ZNF521: variants seen among roughly 807,000 people sequenced by gnomAD.
ZNF521 encodes LYST-interacting protein 3.
In ZNF521, 14 loss-of-function variants were observed where a neutral mutation model predicts 105.5. The ratio of observed to expected loss-of-function variants is 0.13; its 90% CI spans 0.09 to 0.21. The LOEUF (loss-of-function observed/expected upper bound fraction) is 0.21, where lower values mean the gene tolerates loss of function less well. Ranked by LOEUF, ZNF521 falls within the 10% of genes least tolerant of loss-of-function variation. The pLI, the probability that ZNF521 is intolerant of heterozygous loss-of-function variation, is 1.00. For synonymous variants in ZNF521, 635 were observed against 606.0 expected, an observed-to-expected ratio of 1.05 and a Z score of -0.70; for missense variants, 1,233 against 1,629.7, an observed-to-expected ratio of 0.76 and a Z score of 4.19.
chr18:25,210,263 A>C (rs1266160900), intron 4 of ZNF521, among the ~76,000 whole-genome samples: 1 of 152,270 alleles, frequency 6.6e-6, no homozygotes, highest in Admixed American at 6.5e-5. Context: ...AGGAAACTGA[A>C]GCTTAGGAAG....
chr18:25,259,410 A>C (rs1000016662), intron 3 of ZNF521, among the ~76,000 whole-genome samples: 2 of 152,160 alleles, frequency 1.3e-5, no homozygotes, highest in African/African-American at 4.8e-5. Context: ...TTATGGTATC[A>C]ATTTGCTTCA....
At chr18:25,346,890 G>T (rs1210370930) in intron 2 of ZNF521, among the ~76,000 whole-genome samples, 1 of 152,006 alleles carries the variant, frequency 6.6e-6, no homozygotes, top group Non-Finnish European at 1.5e-5. Flanking sequence ...AAATGACTAA[G>T]TGCTCCCCTC....
At position 25,227,903 on chromosome 18, in the gene ZNF521, A is replaced by T. The variant is rs2144744963; in HGVS notation, c.221-206T>A. 6.6e-6 allele frequency among the ~76,000 whole-genome samples: 1 copy of T among 152,342 alleles called. No homozygotes were observed. The highest frequency in any genetic ancestry group is 1.9e-4 in the East Asian group (1 of 5,192). ...GCATTTACTTTTTGTTGAGTTGTAAAATATAAGAGGATATTAAATAGTTCT... is the reference window on the plus strand; with the variant it reads ...GCATTTACTTTTTGTTGAGTTGTAATATATAAGAGGATATTAAATAGTTCT... On this transcript the variant is annotated intron_variant, in intron 3 of 7. Coordinates refer to ENST00000361524, the MANE Select transcript of ZNF521 (RefSeq NM_015461.3). The surrounding 1 kb of genome is among the most constrained non-coding windows in gnomAD (Gnocchi z 5.7).
chr18:25,342,143 A>G (rs1276394629), intron 2 of ZNF521, among the ~76,000 whole-genome samples: 3 of 152,316 alleles, frequency 2.0e-5, no homozygotes, highest in African/African-American at 7.2e-5. Context: ...ACTTATGACC[A>G]TAACTGTTTG....
chr18:25,107,078 G>A (rs35171964), intron 5 of ZNF521, among the ~76,000 whole-genome samples: 64,174 of 152,064 alleles, frequency 0.42, 14,028 homozygotes, highest in South Asian at 0.58. Context: ...ATCACTTAGC[G>A]GGTGGGATGC....
At chr18:25,095,304 C>A (rs2033829006) in intron 5 of ZNF521, among the ~76,000 whole-genome samples, 1 of 151,962 alleles carries the variant, frequency 6.6e-6, no homozygotes, top group African/African-American at 2.4e-5. Flanking sequence ...CTAAAGGTGC[C>A]AAAAAGCTTA....
At chr18:25,120,630 A>C (rs190578766) in intron 5 of ZNF521, among the ~76,000 whole-genome samples, 19 of 151,516 alleles carry the variant, frequency 1.3e-4, no homozygotes, top group African/African-American at 3.6e-4. Context: ...AACAAACAAA[A>C]AAACCTAGTA....
intron 1 of ZNF521, 91 bp downstream of exon 1, chr18:25,351,914 G>T: frequency 7.0e-6 from 2 of 284,836 alleles, no homozygotes; most frequent in South Asian, 3.0e-5. Flanking sequence ...GGCGGCGGCA[G>T]CGGCGGCGAG....
intron 3 of ZNF521, among the ~76,000 whole-genome samples, chr18:25,258,677 T>C (rs905277348): frequency 5.9e-5 from 9 of 152,140 alleles, no homozygotes; most frequent in African/African-American, 2.2e-4. Flanking sequence ...AGCTTTCCTA[T>C]CTTCTTCTCT....
At chr18:25,209,610 G>C (rs2036143500) in intron 4 of ZNF521, among the ~76,000 whole-genome samples, 1 of 152,060 alleles carries the variant, frequency 6.6e-6, no homozygotes. Context: ...TGTTTCCTAG[G>C]ATTAGAGGGT....
chr18:25,204,493 T>C (rs963618917), intron 4 of ZNF521, among the ~76,000 whole-genome samples: 1 of 152,100 alleles, frequency 6.6e-6, no homozygotes, highest in Non-Finnish European at 1.5e-5. Context: ...ATACCAAACA[T>C]GTCTCATGGA....
chr18:25,132,514 T>C (rs997621410), intron 5 of ZNF521, among the ~76,000 whole-genome samples: 4 of 152,316 alleles, frequency 2.6e-5, no homozygotes, highest in African/African-American at 9.6e-5. Flanking sequence ...GTATGTGATA[T>C]GAAACTATTT....
chr18:25,283,307 C>T (rs1303291627), intron 3 of ZNF521, among the ~76,000 whole-genome samples: 3 of 152,220 alleles, frequency 2.0e-5, no homozygotes, highest in African/African-American at 4.8e-5. Flanking sequence ...GCCTCTCCTA[C>T]TCATGAGGAT....
intron 3 of ZNF521, among the ~76,000 whole-genome samples, chr18:25,274,883 T>C (rs1909931179): frequency 6.6e-6 from 1 of 152,192 alleles, no homozygotes; most frequent in Admixed American, 6.5e-5. Context: ...GTTGTATATT[T>C]AACTTTATGA....
chr18:25,225,382 C>T lies in ZNF521; in HGVS notation c.2536G>A (p.Gly846Arg). The T allele has an allele frequency of 6.2e-7, 1 of 1,614,170 alleles. No homozygotes were observed. The highest frequency in any genetic ancestry group is 2.2e-5 in the East Asian group (1 of 44,886). Residue 846 changes from glycine to arginine, a missense_variant, in exon 4 of 8, where the codon GGA (glycine) becomes AGA (arginine). Gly to Arg is a moderately radical substitution (Grantham distance 125). This residue lies in a region of ZNF521 where 614 missense variants were observed against 751.5 expected (regional missense o/e 0.82). Coordinates refer to ENST00000361524, the MANE Select transcript of ZNF521 (RefSeq NM_015461.3). The surrounding 1 kb of genome is among the most constrained non-coding windows in gnomAD (Gnocchi z 5.6). ...ETKTPNCGTN[G>R]ASEQVQKEEV... is the part of the protein sequence containing the mutation. Reference sequence around the variant, plus strand: ...TCTTTCTGCACTTGCTCGGAAGCTCCATTTGTTCCACAGTTGGGTGTCTTG... The same window carrying T: ...TCTTTCTGCACTTGCTCGGAAGCTCTATTTGTTCCACAGTTGGGTGTCTTG...
chr18:25,080,101 C>T (rs1481707927), intron 7 of ZNF521, among the ~76,000 whole-genome samples: 1 of 152,352 alleles, frequency 6.6e-6, no homozygotes, highest in African/African-American at 2.4e-5. Context: ...AAGAAGCTGT[C>T]CTCCCAGACA....
intron 5 of ZNF521, among the ~76,000 whole-genome samples, chr18:25,103,468 T>C (rs1260562703): frequency 2.0e-5 from 3 of 152,164 alleles, no homozygotes; most frequent in African/African-American, 7.2e-5. Context: ...ATTGAGTGTT[T>C]GAGAAGAAAC....
intron 5 of ZNF521, among the ~76,000 whole-genome samples, chr18:25,165,089 A>G (rs8090914): frequency 0.94 from 143,631 of 152,270 alleles, 67,951 homozygotes; most frequent in Middle Eastern, 0.99. Context: ...TTTTAACCCC[A>G]TATGGTTTTT....
intron 5 of ZNF521, among the ~76,000 whole-genome samples, chr18:25,180,361 T>A (rs1178273152): frequency 6.6e-6 from 1 of 152,198 alleles, no homozygotes; most frequent in Non-Finnish European, 1.5e-5. Flanking sequence ...CATTTCAGCA[T>A]AACAATGCAG....
Sources: allele counts gnomAD v4.1 joint callset (sites outside exome capture counted in the v4.1 genomes callset), GRCh38; gene constraint gnomAD v4.1.1; regional missense constraint gnomAD v4.1.1; non-coding constraint Gnocchi (gnomAD v3.1); transcripts MANE v1.5; gene names NCBI Gene and HGNC (gene_info 2026-07-23, HGNC 2026-07-21).